SDK1: variants seen among roughly 807,000 people sequenced by gnomAD.
SDK1 encodes the protein sidekick cell adhesion molecule 1, also known as protein sidekick-1.
In SDK1, 157 loss-of-function variants were observed where a neutral mutation model predicts 245.5. That is an observed-to-expected ratio of 0.64 (90% CI 0.56 to 0.73). The LOEUF (loss-of-function observed/expected upper bound fraction) is 0.73, where lower values mean the gene tolerates loss of function less well. SDK1 is among the 30% of genes least tolerant of loss of function. The probability of loss-of-function intolerance (pLI) is 0.00; values close to 1 mark genes in which losing one functional copy is unlikely to be tolerated. For missense variants in SDK1, 3,583 were observed against 3,002.3 expected, an observed-to-expected ratio of 1.19 and a Z score of -4.52; for synonymous variants, 1,647 against 1,278.5, an observed-to-expected ratio of 1.29 and a Z score of -6.15.
intron 4 of SDK1, among the ~76,000 whole-genome samples, chr7:3,655,404 G>T (rs1783132781): frequency 7.0e-6 from 1 of 142,320 alleles, no homozygotes; most frequent in African/African-American, 2.6e-5. Flanking sequence ...TTGCTCTCCA[G>T]CCTGGGCAAC....
intron 44 of SDK1, among the ~76,000 whole-genome samples, chr7:4,248,189 T>TG (rs1192985715): frequency 2.0e-5 from 3 of 152,072 alleles, no homozygotes; most frequent in Admixed American, 2.0e-4. Flanking sequence ...TACACACATG[T>TG]GCACGGACAC....
intron 35 of SDK1, among the ~76,000 whole-genome samples, chr7:4,181,651 C>A (rs988021341): frequency 2.0e-5 from 3 of 152,178 alleles, no homozygotes; most frequent in African/African-American, 7.2e-5. Context: ...CCACGTGACT[C>A]ACCTCTGCCC....
intron 14 of SDK1, among the ~76,000 whole-genome samples, chr7:3,989,087 G>T (rs1194553967): frequency 1.3e-5 from 2 of 152,172 alleles, no homozygotes; most frequent in African/African-American, 4.8e-5. Context: ...TAAGCTGCCG[G>T]CCTCCCTCTG....
At chr7:3,453,878 C>CT (rs1288622441) in intron 1 of SDK1, among the ~76,000 whole-genome samples, 1 of 152,044 alleles carries the variant, frequency 6.6e-6, no homozygotes, top group Non-Finnish European at 1.5e-5. Flanking sequence ...TTTAATGGCA[C>CT]TGAGAGACAG....
intron 5 of SDK1, among the ~76,000 whole-genome samples, chr7:3,876,116 T>A (rs540782041): frequency 6.6e-6 from 1 of 152,296 alleles, no homozygotes; most frequent in Admixed American, 6.5e-5. Context: ...CAGGCACTAG[T>A]CTGCTGTTTC....
intron 4 of SDK1, among the ~76,000 whole-genome samples, chr7:3,764,229 T>C (rs538052807): frequency 6.6e-6 from 1 of 152,172 alleles, no homozygotes; most frequent in Non-Finnish European, 1.5e-5. Context: ...TGCTCCTAGG[T>C]TCTGTATTTA....
chr7:3,451,312 G>C (rs1562494010), intron 1 of SDK1, among the ~76,000 whole-genome samples: 1 of 152,146 alleles, frequency 6.6e-6, no homozygotes, highest in Non-Finnish European at 1.5e-5. Flanking sequence ...TCTGGAGAGA[G>C]GAAGGAACGT....
intron 1 of SDK1, among the ~76,000 whole-genome samples, chr7:3,525,141 A>G (rs991483479): frequency 1.3e-5 from 2 of 152,146 alleles, no homozygotes; most frequent in African/African-American, 4.8e-5. Flanking sequence ...GGTTATTTGT[A>G]AATACTATGC....
At chr7:3,434,086 A>C (rs548797318) in intron 1 of SDK1, among the ~76,000 whole-genome samples, 1 of 152,162 alleles carries the variant, frequency 6.6e-6, no homozygotes, top group Non-Finnish European at 1.5e-5. Context: ...AAACAAGGCA[A>C]AATCTATCCA....
intron 7 of SDK1, among the ~76,000 whole-genome samples, chr7:3,958,588 G>C (rs532377494): frequency 6.6e-6 from 1 of 152,316 alleles, no homozygotes; most frequent in South Asian, 2.1e-4. Context: ...GTTTAGTTTA[G>C]ATACTGAAGC....
intron 1 of SDK1, among the ~76,000 whole-genome samples, chr7:3,555,234 C>T (rs1583161079): frequency 6.6e-6 from 1 of 152,088 alleles, no homozygotes; most frequent in Non-Finnish European, 1.5e-5. Context: ...TAAAAATAGG[C>T]AAGTTGACCA....
In SDK1 at chr7:3,576,860, G is replaced by A. The variant is rs181445959; in HGVS notation, c.299-42220G>A. On this transcript the variant is annotated intron_variant, in intron 1 of 44. Transcript: ENST00000404826. Reference sequence around the variant, plus strand: ...CATAGTCTCTGCAAAGCAGAAGTTGGTTACTATTTGCCGGGACTGCTTAAA... The same window carrying A: ...CATAGTCTCTGCAAAGCAGAAGTTGATTACTATTTGCCGGGACTGCTTAAA... Among the ~76,000 whole-genome samples the A allele has an allele frequency of 6.8e-4, 103 of 152,160 alleles. 1 individual carries two copies. The highest frequency in any genetic ancestry group is 6.3e-3 in the Admixed American group (96 of 15,284).
chr7:3,350,845 GT>G (rs1305849018), intron 1 of SDK1, among the ~76,000 whole-genome samples: 2 of 152,214 alleles, frequency 1.3e-5, no homozygotes, highest in Admixed American at 6.5e-5. Flanking sequence ...TGTTAAAATA[GT>G]TTTTTCCCCC....
At chr7:3,368,710 G>A (rs1583754647) in intron 1 of SDK1, among the ~76,000 whole-genome samples, 1 of 152,158 alleles carries the variant, frequency 6.6e-6, no homozygotes, top group Admixed American at 6.5e-5. Flanking sequence ...TCAGGACACT[G>A]TCTGTGCCAC....
At chr7:4,123,915 C>T (rs570125739) in intron 25 of SDK1, among the ~76,000 whole-genome samples, 15 of 152,300 alleles carry the variant, frequency 9.8e-5, no homozygotes, top group East Asian at 3.9e-4. Flanking sequence ...GATCAGGGAG[C>T]GTGCCCCTTC....
At chr7:3,632,089 A>T (rs926452822) in intron 2 of SDK1, among the ~76,000 whole-genome samples, 2 of 152,192 alleles carry the variant, frequency 1.3e-5, no homozygotes, top group East Asian at 3.8e-4. Flanking sequence ...CAGACATGCA[A>T]TAAAAGATTT....
intron 4 of SDK1, among the ~76,000 whole-genome samples, chr7:3,651,075 C>T (rs1782998946): frequency 1.3e-5 from 2 of 151,500 alleles, no homozygotes; most frequent in Admixed American, 6.6e-5. Flanking sequence ...TTCATACACA[C>T]ACATGCCCAG....
rs569187241 is a variant in SDK1 at position 3,360,648 on chromosome 7, G to C, written c.298+58764G>C. Among the ~76,000 whole-genome samples the C allele has an allele frequency of 3.3e-5, 5 of 152,260 alleles. No homozygotes were observed. The East Asian group carries it at 7.7e-4, about 23-fold the overall frequency. ...ATATGACAAGCTGGCGTTGGATTGC[G>C]TGTCCTAGGTTTTGTTACCTTGGCC... On this transcript the variant is annotated intron_variant, in intron 1 of 44. Transcript: ENST00000404826.
chr7:3,825,280 C>A (rs964667694), intron 5 of SDK1, among the ~76,000 whole-genome samples: 19 of 139,664 alleles, frequency 1.4e-4, no homozygotes, highest in Admixed American at 2.3e-4. Context: ...AACAGAACTT[C>A]TGAACTGAAT....
Sources: allele counts gnomAD v4.1 joint callset (sites outside exome capture counted in the v4.1 genomes callset), GRCh38; gene constraint gnomAD v4.1.1; transcripts MANE v1.5; gene names NCBI Gene and HGNC (gene_info 2026-07-23, HGNC 2026-07-21).